The following PKP4 variants were observed in gnomAD, a reference collection of about 807,000 sequenced individuals.
The protein encoded by PKP4 is plakophilin 4.
A neutral mutation model predicts 145.1 loss-of-function variants in PKP4; 90 were observed. The ratio of observed to expected loss-of-function variants is 0.62; its 90% CI spans 0.52 to 0.74. The LOEUF is 0.74. Among genes scored for constraint, PKP4 ranks in the 30% least tolerant of loss-of-function variants. The pLI is 0.00. For synonymous variants in PKP4, 563 were observed against 577.2 expected (o/e 0.98, Z 0.35); for missense variants, 1,340 against 1,482.7 (o/e 0.90, Z 1.58).
At chr2:158,555,185 A>G (rs539288034) in intron 2 of PKP4, among the ~76,000 whole-genome samples, 2 of 152,330 alleles carry the variant, frequency 1.3e-5, no homozygotes, top group African/African-American at 4.8e-5. Context: ...GACCTGTACC[A>G]GTCTTATGTA....
At chr2:158,532,762 A>C (rs1332811128) in intron 1 of PKP4, among the ~76,000 whole-genome samples, 2 of 152,258 alleles carry the variant, frequency 1.3e-5, no homozygotes, top group Non-Finnish European at 2.9e-5. Context: ...GGACTCCACC[A>C]AGGGTGACCT....
chr2:158,483,463 A>G (rs754697409), intron 1 of PKP4, among the ~76,000 whole-genome samples: 64 of 151,640 alleles, frequency 4.2e-4, no homozygotes, highest in Non-Finnish European at 8.2e-4. Flanking sequence ...ATGATCTTAT[A>G]TAAGTTTCAT....
At chr2:158,503,965 C>CTTT (rs59715903) in intron 1 of PKP4, among the ~76,000 whole-genome samples, 42 of 86,894 alleles carry the variant, frequency 4.8e-4, no homozygotes, top group African/African-American at 1.3e-3. Flanking sequence ...TAAATTCTGG[C>CTTT]TTTTTTTTTT....
chr2:158,640,681 C>T lies in PKP4; in HGVS notation c.1617C>T (p.His539=). The change falls in exon 10 of 22, where the codon CAC becomes CAT. Residue 539 remains histidine (H), a synonymous_variant. Coordinates refer to ENST00000389759, the MANE Select transcript of PKP4 (RefSeq NM_003628.6). Reference sequence around the variant, plus strand: ...CTGAGGTCATTCACATGCTTCAGCACCAGTTCCCATCTGTTCAGGCAAATG... The same window carrying T: ...CTGAGGTCATTCACATGCTTCAGCATCAGTTCCCATCTGTTCAGGCAAATG... ...ELPEVIHMLQ[H]QFPSVQANAA... The T allele has an allele frequency of 6.2e-7, 1 of 1,614,044 alleles. No individual in the cohort carries two copies. The highest frequency in any genetic ancestry group is 8.5e-7 in the Non-Finnish European group (1 of 1,179,968).
rs1032590856 is a variant in PKP4, at chr2:158,599,935, T to G, written c.246-3135T>G. Among the ~76,000 whole-genome samples, 4 of 152,172 alleles carry G rather than the reference T, an allele frequency of 2.6e-5. No individual in the cohort carries two copies. In the South Asian group the frequency reaches 8.3e-4, roughly 32 times the overall value. On this transcript the variant is annotated intron_variant, in intron 3 of 21. Coordinates refer to ENST00000389759, the MANE Select transcript of PKP4 (RefSeq NM_003628.6). ...TGGGAAACAGCAAAATAAGGAGAGT[T>G]TTCAAAGATATTGCACAGCTGTCAA...
intron 1 of PKP4, among the ~76,000 whole-genome samples, chr2:158,479,756 C>T (rs1414909939): frequency 1.3e-5 from 2 of 152,208 alleles, no homozygotes; most frequent in South Asian, 2.1e-4. Context: ...ATTAATAACT[C>T]TTGATTTATT....
chr2:158,466,243 T>C (rs1004451664), intron 1 of PKP4, among the ~76,000 whole-genome samples: 5 of 152,176 alleles, frequency 3.3e-5, no homozygotes, highest in African/African-American at 1.2e-4. Context: ...TCGTGTCTGT[T>C]TGTGCCTAGT....
intron 2 of PKP4, among the ~76,000 whole-genome samples, chr2:158,560,439 T>C (rs1242515971): frequency 1.3e-5 from 2 of 152,016 alleles, no homozygotes; most frequent in African/African-American, 2.4e-5. Context: ...AAAAATGACA[T>C]TGAGAACAAA....
chr2:158,617,864 A>C (rs1019661079), intron 4 of PKP4, among the ~76,000 whole-genome samples: 2 of 152,234 alleles, frequency 1.3e-5, no homozygotes, highest in Non-Finnish European at 2.9e-5. Context: ...CTTCATTATC[A>C]TTGGGCTCTA....
At chr2:158,629,791 A>ACCTCCCGCC (rs2053176339) in intron 7 of PKP4, among the ~76,000 whole-genome samples, 1 of 151,660 alleles carries the variant, frequency 6.6e-6, no homozygotes, top group African/African-American at 2.4e-5. Context: ...GCTCACTGCA[A>ACCTCCCGCC]CCTCCCGCCC....
intron 3 of PKP4, among the ~76,000 whole-genome samples, chr2:158,583,140 A>G (rs2048472384): frequency 6.6e-6 from 1 of 152,230 alleles, no homozygotes; most frequent in African/African-American, 2.4e-5. Flanking sequence ...CGGGCTAAGC[A>G]ACATCCTTCA....
chr2:158,600,813 G>A (rs1372415873), intron 3 of PKP4, among the ~76,000 whole-genome samples: 1 of 152,108 alleles, frequency 6.6e-6, no homozygotes, highest in Non-Finnish European at 1.5e-5. Context: ...TTCATTATTA[G>A]CTTGTTTTTC....
chr2:158,661,559 C>G, intron 13 of PKP4, 109 bp downstream of exon 13: 1 of 714,502 alleles, frequency 1.4e-6, no homozygotes, highest in Non-Finnish European at 2.5e-6. Flanking sequence ...CTGTCCTCCT[C>G]AGGAGGCCAC....
rs1366005830 is a variant in PKP4, at chr2:158,661,437, A to AT, written c.2200dup (p.Tyr734LeufsTer37). 6.2e-7 allele frequency: 1 copy of AT among 1,609,930 alleles called. No individual in the cohort carries two copies. On this transcript the variant is annotated frameshift_variant, in exon 13 of 22. Transcript: ENST00000389759. LOFTEE classifies it high-confidence loss of function. The stretch of plus-strand genomic sequence containing the variant: ...ATCCACACGTGTGTGAACACATCCG[A>AT]TTACGACAGCAAGGTCAGTGCCGGC...
intron 1 of PKP4, among the ~76,000 whole-genome samples, chr2:158,520,966 TG>T (rs2042321665): frequency 6.6e-6 from 1 of 152,256 alleles, no homozygotes; most frequent in Admixed American, 6.5e-5. Flanking sequence ...TATATTACAT[TG>T]TATTTATCCA....
rs538005491 is a variant in PKP4 at position 158,529,128 on chromosome 2, T to C, written c.-5-4052T>C. 1.8e-3 allele frequency among the ~76,000 whole-genome samples: 274 copies of C among 152,356 alleles called. No homozygotes were observed. In the Middle Eastern group the frequency reaches 0.024, roughly 13 times the overall value. On this transcript the variant is annotated intron_variant, in intron 1 of 21. Coordinates refer to ENST00000389759, the MANE Select transcript of PKP4 (RefSeq NM_003628.6). ...TGCTACCTTCAGAGGCAATCAGTTC[T>C]GGAAATTTTAAGCATTTTACCATTA...
At position 158,663,315 on chromosome 2, in the gene PKP4, A is replaced by C. The variant is rs376409775; in HGVS notation, c.2447A>C (p.Lys816Thr). Reference sequence around the variant, plus strand: ...ATCCCAGGACTGTCGAAGTCCCCCAAAGGGGTTGAGATGCTGTGGCACCCA... The same window carrying C: ...ATCCCAGGACTGTCGAAGTCCCCCACAGGGGTTGAGATGCTGTGGCACCCA... ...GPIPGLSKSP[K>T]GVEMLWHPSV... The change falls in exon 15 of 22, where the codon AAA becomes ACA. Residue 816 changes from lysine to threonine, a missense_variant. Lys to Thr is a moderately conservative substitution (Grantham distance 78). Coordinates refer to ENST00000389759, the MANE Select transcript of PKP4 (RefSeq NM_003628.6). 1.9e-6 allele frequency: 3 copies of C among 1,614,094 alleles called. No individual in the cohort carries two copies. The South Asian group carries it at 3.3e-5, about 18-fold the overall frequency.
intron 1 of PKP4, among the ~76,000 whole-genome samples, chr2:158,477,187 C>A (rs942161614): frequency 5.3e-5 from 8 of 152,066 alleles, no homozygotes; most frequent in Non-Finnish European, 2.9e-5. Flanking sequence ...GAATCGCAAG[C>A]TTTTAGACCA....
chr2:158,560,102 A>G (rs2046393443), intron 2 of PKP4, among the ~76,000 whole-genome samples: 1 of 152,100 alleles, frequency 6.6e-6, no homozygotes, highest in Non-Finnish European at 1.5e-5. Flanking sequence ...CCTGGCCTCA[A>G]GTGATCTGCC....
Sources: gnomAD v4.1 joint callset for allele counts (sites outside exome capture counted in the v4.1 genomes callset) on GRCh38, gnomAD v4.1.1 for gene constraint, MANE v1.5 for transcripts, NCBI Gene and HGNC (gene_info 2026-07-23, HGNC 2026-07-21) for gene names.